DMRT1: variants seen among roughly 807,000 people sequenced by gnomAD.
The protein encoded by DMRT1 is doublesex- and mab-3-related transcription factor 1.
In DMRT1, 7 loss-of-function variants were observed where a neutral mutation model predicts 32.3. The observed-to-expected ratio is 0.22, with a 90% CI of 0.12 to 0.41. DMRT1 has a LOEUF of 0.41. Ranked by LOEUF, DMRT1 falls within the 10% of genes least tolerant of loss-of-function variation. The pLI is 1.00. For missense variants in DMRT1, 625 were observed against 500.5 expected, an observed-to-expected ratio of 1.25 and a Z score of -2.37; for synonymous variants, 278 against 206.1, an observed-to-expected ratio of 1.35 and a Z score of -2.99.
intron 2 of DMRT1, among the ~76,000 whole-genome samples, chr9:884,714 T>A (rs535683962): frequency 3.7e-4 from 57 of 152,312 alleles, no homozygotes; most frequent in Middle Eastern, 3.4e-3. Flanking sequence ...CTCACGCCTG[T>A]AATCCCAGCA....
rs184731717 is a variant in DMRT1 at position 940,037 on chromosome 9, C to T, written c.967+23130C>T. 7.4e-3 allele frequency among the ~76,000 whole-genome samples: 1,123 copies of T among 152,066 alleles called. 21 individuals are homozygous for T. Among genetic ancestry groups the T allele is most frequent in the African/African-American group, 0.025 (1,036 of 41,430 alleles). On this transcript the variant is annotated intron_variant, in intron 4 of 4. Transcript: ENST00000382276. ...TTCCACTTTACACCCATTAGAAAGG[C>T]TATTATCAAAAAAACGGAAAACAAC...
At chr9:880,808 C>G (rs1425835080) in intron 2 of DMRT1, among the ~76,000 whole-genome samples, 2 of 151,998 alleles carry the variant, frequency 1.3e-5, no homozygotes, top group Admixed American at 6.6e-5. Context: ...GCGGCCTTCC[C>G]CACCCTTGCC....
In DMRT1 at chr9:870,149, A is replaced by G. The variant is rs558052633; in HGVS notation, c.538+23006A>G. On this transcript the variant is annotated intron_variant, in intron 2 of 4. Coordinates refer to ENST00000382276, the MANE Select transcript of DMRT1 (RefSeq NM_021951.3). ...GCGGTGGCTCACGCCTGTAATCGCA[A>G]TACTTTGGGAGGCTGAGGCAGGTGG... Among the ~76,000 whole-genome samples the G allele has an allele frequency of 7.9e-5, 12 of 152,264 alleles. No homozygotes were observed. In the East Asian group the frequency reaches 1.5e-3, roughly 20 times the overall value.
intron 3 of DMRT1, among the ~76,000 whole-genome samples, chr9:905,478 GTGTGTGTGTC>G (rs1287506728): frequency 1.7e-5 from 2 of 119,302 alleles, no homozygotes; most frequent in African/African-American, 6.1e-5. Flanking sequence ...TTGCCCCTGT[GTGTGTGTGTC>G]TGTGTGTGTG....
rs541183727 is a variant in DMRT1, at chr9:925,932, A to G, written c.967+9025A>G. ...TACAGTCTAGCACCCTCATGTTTTAAGTATTTTCAAGGAAATGGTGGCTGT... is the reference window on the plus strand; with the variant it reads ...TACAGTCTAGCACCCTCATGTTTTAGGTATTTTCAAGGAAATGGTGGCTGT... On this transcript the variant is annotated intron_variant, in intron 4 of 4. Transcript: ENST00000382276. Among the ~76,000 whole-genome samples, 198 of 152,270 alleles carry G rather than the reference A, an allele frequency of 1.3e-3. 1 individual carries two copies. Among genetic ancestry groups the G allele is most frequent in the African/African-American group, 4.7e-3 (194 of 41,530 alleles).
Position 849,366 on chromosome 9 carries a change from C to T in DMRT1, c.538+2223C>T, listed in dbSNP as rs892595189. On this transcript the variant is annotated intron_variant, in intron 2 of 4. Coordinates refer to ENST00000382276, the MANE Select transcript of DMRT1 (RefSeq NM_021951.3). ...GCAACAATGTTAGGTGAAAAAGTCCCTGCCATTCTATCTTGGCAGAGAAGA... is the reference window on the plus strand; with the variant it reads ...GCAACAATGTTAGGTGAAAAAGTCCTTGCCATTCTATCTTGGCAGAGAAGA... Among the ~76,000 whole-genome samples, 5 of 152,310 alleles carry T rather than the reference C, an allele frequency of 3.3e-5. No homozygotes were observed. The South Asian group carries it at 6.2e-4, about 19-fold the overall frequency.
chr9:958,763 A>C (rs1438372750), intron 4 of DMRT1, among the ~76,000 whole-genome samples: 3 of 152,244 alleles, frequency 2.0e-5, no homozygotes, highest in Non-Finnish European at 4.4e-5. Context: ...GTTTTATTAG[A>C]GATTATATAA....
rs1376506071 is a variant in DMRT1, at chr9:848,310, G to C, written c.538+1167G>C. 3.3e-5 allele frequency among the ~76,000 whole-genome samples: 5 copies of C among 152,228 alleles called. No homozygotes were observed. In the South Asian group the frequency reaches 6.2e-4, roughly 19 times the overall value. ...CAAAAATGAGGGAAAGGGTTCCTGAGGGTCTTAAAGATCTTATGAATCTTG... is the reference window on the plus strand; with the variant it reads ...CAAAAATGAGGGAAAGGGTTCCTGACGGTCTTAAAGATCTTATGAATCTTG... On this transcript the variant is annotated intron_variant, in intron 2 of 4. Transcript: ENST00000382276.
At chr9:955,888 T>A (rs946313044) in intron 4 of DMRT1, among the ~76,000 whole-genome samples, 2 of 152,104 alleles carry the variant, frequency 1.3e-5, no homozygotes, top group Non-Finnish European at 2.9e-5. Context: ...TCTCAAAAAA[T>A]TAAAGATGGA....
chr9:955,750 A>G (rs1819580613), intron 4 of DMRT1, among the ~76,000 whole-genome samples: 1 of 152,238 alleles, frequency 6.6e-6, no homozygotes, highest in Non-Finnish European at 1.5e-5. Flanking sequence ...CACACCCATT[A>G]TGATGGCTGT....
At chr9:869,913 C>T (rs1589475866) in intron 2 of DMRT1, among the ~76,000 whole-genome samples, 1 of 152,186 alleles carries the variant, frequency 6.6e-6, no homozygotes, top group Admixed American at 6.5e-5. Context: ...TGGTGGGCGT[C>T]CTAGTTACAG....
rs759196366 is a variant in DMRT1 at position 894,163 on chromosome 9, T to C, written c.790T>C (p.Tyr264His). ...CAGCCTTCGGGGCCTCCCCGGACCT[T>C]ATGTGCCTGGTCAGACAGGAAACCA... ...KNSLRGLPGP[Y>H]VPGQTGNQWQ... The change falls in exon 3 of 5, where the codon TAT becomes CAT. Residue 264 changes from tyrosine to histidine, a missense_variant. By Grantham distance (83) the Tyr-to-His change is moderately conservative. This residue lies in a region of DMRT1 where 416 missense variants were observed against 321.6 expected (regional missense o/e 1.29). Coordinates refer to ENST00000382276, the MANE Select transcript of DMRT1 (RefSeq NM_021951.3). The C allele has an allele frequency of 6.2e-6, 10 of 1,613,948 alleles. No individual in the cohort carries two copies. In the Admixed American group the frequency reaches 1.2e-4, roughly 19 times the overall value.
intron 3 of DMRT1, 116 bp downstream of exon 3, chr9:894,311 A>C: frequency 9.1e-7 from 1 of 1,099,966 alleles, no homozygotes; most frequent in Non-Finnish European, 1.4e-6. Flanking sequence ...AGGCACACAC[A>C]GGTGACACAC....
intron 2 of DMRT1, among the ~76,000 whole-genome samples, chr9:871,675 C>A (rs953991832): frequency 4.0e-5 from 6 of 149,052 alleles, no homozygotes; most frequent in East Asian, 2.0e-4. Context: ...GGGGTTTCAC[C>A]GTGTTAGCCA....
At chr9:903,416 A>G (rs556973166) in intron 3 of DMRT1, among the ~76,000 whole-genome samples, 2 of 152,358 alleles carry the variant, frequency 1.3e-5, no homozygotes, top group South Asian at 4.1e-4. Context: ...TGATCGTGAC[A>G]GTCATCATCT....
At chr9:852,728 C>G (rs944702971) in intron 2 of DMRT1, among the ~76,000 whole-genome samples, 1 of 152,228 alleles carries the variant, frequency 6.6e-6, no homozygotes, top group Non-Finnish European at 1.5e-5. Flanking sequence ...CACTCACATT[C>G]ACCCTCCCCC....
rs1315093998 is a variant in DMRT1 at position 905,950 on chromosome 9, T to G, written c.823-10813T>G. ...TTCCTTGCAGGGCAGTGCACATTTC[T>G]TGGTTTTCCTTTTAAAGCCGTGAAA... On this transcript the variant is annotated intron_variant, in intron 3 of 4. Coordinates refer to ENST00000382276, the MANE Select transcript of DMRT1 (RefSeq NM_021951.3). 2.0e-5 allele frequency among the ~76,000 whole-genome samples: 3 copies of G among 152,118 alleles called. No homozygotes were observed. In the East Asian group the frequency reaches 5.8e-4, roughly 29 times the overall value.
At chr9:946,725 C>A (rs1819258410) in intron 4 of DMRT1, among the ~76,000 whole-genome samples, 1 of 152,160 alleles carries the variant, frequency 6.6e-6, no homozygotes, top group South Asian at 2.1e-4. Context: ...GCCATTCCAC[C>A]CTGCACTCTT....
At chr9:944,230 G>C (rs1242666938) in intron 4 of DMRT1, among the ~76,000 whole-genome samples, 1 of 152,148 alleles carries the variant, frequency 6.6e-6, no homozygotes, top group African/African-American at 2.4e-5. Flanking sequence ...ACCTTTATTG[G>C]TTGTCCAGGA....
Sources: allele counts gnomAD v4.1 joint callset (sites outside exome capture counted in the v4.1 genomes callset), GRCh38; gene constraint gnomAD v4.1.1; regional missense constraint gnomAD v4.1.1; transcripts MANE v1.5; gene names NCBI Gene and HGNC (gene_info 2026-07-23, HGNC 2026-07-21).